Variants in JPH1 observed in about 807,000 individuals in gnomAD.
JPH1 encodes junctophilin-1.
JPH1 carries 12 observed loss-of-function variants against 53.6 expected under a neutral mutation model. That is an observed-to-expected ratio of 0.22 (90% CI 0.14 to 0.36). The LOEUF (loss-of-function observed/expected upper bound fraction) is 0.36, where lower values mean the gene tolerates loss of function less well. Ranked by LOEUF, JPH1 falls within the 10% of genes least tolerant of loss-of-function variation. The pLI is 1.00. For missense variants in JPH1, 808 were observed against 905.5 expected (o/e 0.89, Z 1.38); for synonymous variants, 375 against 363.8 (o/e 1.03, Z -0.35).
intron 2 of JPH1, among the ~76,000 whole-genome samples, chr8:74,297,200 G>A (rs1332404274): frequency 3.9e-5 from 6 of 152,182 alleles, no homozygotes; most frequent in Non-Finnish European, 7.3e-5. Flanking sequence ...CCAACACCTG[G>A]CTGTTTCTTT....
chr8:74,314,736 A>C (rs1391581227), intron 2 of JPH1, 125 bp downstream of exon 2: 2 of 1,116,134 alleles, frequency 1.8e-6, no homozygotes, highest in African/African-American at 3.2e-5. Flanking sequence ...ATCATTTTTC[A>C]CCTTTGATTT....
At position 74,262,941 on chromosome 8, in the gene JPH1, G is replaced by A. The variant is rs577100158; in HGVS notation, c.1140-3438C>T. Among the ~76,000 whole-genome samples, 5 of 152,292 alleles carry A rather than the reference G, an allele frequency of 3.3e-5. No individual in the cohort carries two copies. In the East Asian group the frequency reaches 9.6e-4, roughly 29 times the overall value. On this transcript the variant is annotated intron_variant, in intron 2 of 5. Transcript: ENST00000342232. Reference sequence around the variant, plus strand: ...TAATGACAAATTATTTTCCTAACCAGCAATTTGATGAGTATCTGAGGTTTT... The same window carrying A: ...TAATGACAAATTATTTTCCTAACCAACAATTTGATGAGTATCTGAGGTTTT...
At chr8:74,268,501 C>G (rs1373344084) in intron 2 of JPH1, among the ~76,000 whole-genome samples, 1 of 152,008 alleles carries the variant, frequency 6.6e-6, no homozygotes, top group East Asian at 1.9e-4. Flanking sequence ...AGGAAATAGA[C>G]AGCGTGAAGT....
intron 2 of JPH1, among the ~76,000 whole-genome samples, chr8:74,308,891 G>A (rs1417429288): frequency 2.0e-5 from 3 of 152,216 alleles, no homozygotes; most frequent in African/African-American, 4.8e-5. Flanking sequence ...CTCTGAGTAT[G>A]GGGGAGGAGG....
chr8:74,270,092 A>T (rs1806654328), intron 2 of JPH1, among the ~76,000 whole-genome samples: 1 of 150,910 alleles, frequency 6.6e-6, no homozygotes, highest in Non-Finnish European at 1.5e-5. Context: ...CTCCCAATGT[A>T]TTTTTTTTTA....
At chr8:74,316,019 T>C (rs1486685497) in intron 1 of JPH1, among the ~76,000 whole-genome samples, 1 of 152,212 alleles carries the variant, frequency 6.6e-6, no homozygotes, top group Non-Finnish European at 1.5e-5. Flanking sequence ...TAAATTTTAT[T>C]CTAATATTAC....
At chr8:74,256,309 G>A (rs188741734) in intron 3 of JPH1, among the ~76,000 whole-genome samples, 32 of 150,374 alleles carry the variant, frequency 2.1e-4, no homozygotes, top group East Asian at 5.9e-4. Flanking sequence ...ACCAAACACC[G>A]CATGTTCTCA....
chr8:74,252,380 C>T (rs1374235653), intron 3 of JPH1, among the ~76,000 whole-genome samples: 2 of 152,148 alleles, frequency 1.3e-5, no homozygotes, highest in Admixed American at 1.3e-4. Flanking sequence ...TCAGAGTGAA[C>T]AGGCAACCTA....
intron 2 of JPH1, among the ~76,000 whole-genome samples, chr8:74,301,462 A>G (rs1807678859): frequency 6.6e-6 from 1 of 152,232 alleles, no homozygotes. Context: ...ACATTAATTC[A>G]GTACTGGGTG....
chr8:74,319,253 T>C (rs1359102882), intron 1 of JPH1, among the ~76,000 whole-genome samples: 3 of 152,210 alleles, frequency 2.0e-5, no homozygotes, highest in Non-Finnish European at 2.9e-5. Flanking sequence ...ATTTTTAACC[T>C]TCCAAAACTG....
At chr8:74,318,572 T>A (rs1449398926) in intron 1 of JPH1, among the ~76,000 whole-genome samples, 1 of 152,206 alleles carries the variant, frequency 6.6e-6, no homozygotes, top group Non-Finnish European at 1.5e-5. Context: ...GGGTTTCTAT[T>A]TCAGCAACAT....
chr8:74,253,877 G>A (rs1380029973), intron 3 of JPH1, among the ~76,000 whole-genome samples: 1 of 152,002 alleles, frequency 6.6e-6, no homozygotes, highest in Non-Finnish European at 1.5e-5. Context: ...CCAATAACAG[G>A]AGCTGAAATT....
At position 74,321,324 on chromosome 8, in the gene JPH1, C is replaced by A. The variant is rs1404044074; in HGVS notation, c.-37G>T. ...CCCCGGCGCGCTCCCCGCAGGGGCA[C>A]GGACGCGGGCAGTGCTGGGCACGGC... On this transcript the variant is annotated 5_prime_UTR_variant, in exon 1 of 6. Coordinates refer to ENST00000342232, the MANE Select transcript of JPH1 (RefSeq NM_020647.4). This position sits in a 1 kb window ranked among gnomAD's most constrained non-coding sequence, Gnocchi z 4.3. 2.7e-6 allele frequency: 4 copies of A among 1,491,376 alleles called. No homozygotes were observed. Among genetic ancestry groups the A allele is most frequent in the Admixed American group, 2.2e-5 (1 of 45,188 alleles). 92.4% of individuals were successfully genotyped at this position (1,491,376 alleles called of 1,614,324 possible).
chr8:74,302,821 C>G (rs1373062661), intron 2 of JPH1, among the ~76,000 whole-genome samples: 1 of 152,128 alleles, frequency 6.6e-6, no homozygotes, highest in Non-Finnish European at 1.5e-5. Flanking sequence ...GGTTTTGTTT[C>G]TTATTCATCT....
chr8:74,303,477 G>A (rs964661065), intron 2 of JPH1, among the ~76,000 whole-genome samples: 10 of 152,150 alleles, frequency 6.6e-5, no homozygotes, highest in Non-Finnish European at 1.0e-4. Flanking sequence ...ACAGGTCCTA[G>A]TGAATCTGCT....
chr8:74,291,533 T>A (rs1391849248), intron 2 of JPH1, among the ~76,000 whole-genome samples: 2 of 152,370 alleles, frequency 1.3e-5, no homozygotes, highest in East Asian at 3.9e-4. Flanking sequence ...TTGGTGGGAC[T>A]GTAAACTAGT....
chr8:74,302,303 C>T (rs1807706509), intron 2 of JPH1, among the ~76,000 whole-genome samples: 1 of 152,220 alleles, frequency 6.6e-6, no homozygotes, highest in African/African-American at 2.4e-5. Context: ...ACTGCCAAAA[C>T]ATTCATTTAC....
chr8:74,271,968 C>T (rs551810785), intron 2 of JPH1, among the ~76,000 whole-genome samples: 1 of 152,314 alleles, frequency 6.6e-6, no homozygotes, highest in South Asian at 2.1e-4. Context: ...AGCCTCTTCC[C>T]ATCCAAGACA....
Position 74,321,384 on chromosome 8 carries a change from A to G in JPH1, c.-97T>C, listed in dbSNP as rs1222031988. ...CTCGGGGGTGGGGGCCCGGCGGGCG[A>G]GCTCACGACAGCGCCCTGGGCAGCT... On this transcript the variant is annotated 5_prime_UTR_variant, in exon 1 of 6. Transcript: ENST00000342232. The surrounding 1 kb of genome is among the most constrained non-coding windows in gnomAD (Gnocchi z 4.3). 43 of 1,210,028 alleles carry G rather than the reference A, an allele frequency of 3.6e-5. No homozygotes were observed. The highest frequency in any genetic ancestry group is 4.5e-5 in the Non-Finnish European group (41 of 916,502). 75.0% of individuals were successfully genotyped at this position (1,210,028 alleles called of 1,614,324 possible). A position where few individuals can be genotyped will look rare whatever the true frequency, so the allele number is the denominator to read the frequency against.
Sources: gnomAD v4.1 joint callset for allele counts (sites outside exome capture counted in the v4.1 genomes callset) on GRCh38, gnomAD v4.1.1 for gene constraint, Gnocchi (gnomAD v3.1) non-coding constraint, MANE v1.5 for transcripts, NCBI Gene and HGNC (gene_info 2026-07-23, HGNC 2026-07-21) for gene names.